The following NXPH1 variants were observed in gnomAD, a reference collection of about 807,000 sequenced individuals.
The protein encoded by NXPH1 is neurexophilin 1.
Under a neutral mutation model 23.7 loss-of-function variants are expected in NXPH1, and 5 were observed. The observed-to-expected ratio is 0.21, with a 90% confidence interval of 0.11 to 0.44. The LOEUF (loss-of-function observed/expected upper bound fraction) is 0.44, where lower values mean the gene tolerates loss of function less well. Ranked by LOEUF, NXPH1 falls within the 20% of genes least tolerant of loss-of-function variation. The pLI is 0.99. For synonymous variants in NXPH1, 144 were observed against 122.2 expected (o/e 1.18, Z -1.18); for missense variants, 324 against 321.6 (o/e 1.01, Z -0.06).
intron 2 of NXPH1, among the ~76,000 whole-genome samples, chr7:8,646,134 T>C (rs1394842139): frequency 6.6e-6 from 1 of 152,170 alleles, no homozygotes; most frequent in African/African-American, 2.4e-5. Context: ...CTTCAACTTT[T>C]AAATGGTCTT....
At chr7:8,692,950 G>A (rs1821244038) in intron 2 of NXPH1, among the ~76,000 whole-genome samples, 1 of 152,108 alleles carries the variant, frequency 6.6e-6, no homozygotes, top group Non-Finnish European at 1.5e-5. Flanking sequence ...ATGCATTACA[G>A]AAGCCCGTTA....
chr7:8,641,878 C>T (rs1820319272), intron 2 of NXPH1, among the ~76,000 whole-genome samples: 1 of 152,130 alleles, frequency 6.6e-6, no homozygotes, highest in African/African-American at 2.4e-5. Context: ...GAATATATCA[C>T]TAATTATCCT....
chr7:8,682,047 C>G (rs146642604), intron 2 of NXPH1, among the ~76,000 whole-genome samples: 1 of 152,062 alleles, frequency 6.6e-6, no homozygotes, highest in African/African-American at 2.4e-5. Context: ...GGTGAGCATG[C>G]CAGTGGAAGG....
chr7:8,630,414 G>A (rs1306424114), intron 2 of NXPH1, among the ~76,000 whole-genome samples: 3 of 152,048 alleles, frequency 2.0e-5, no homozygotes, highest in Non-Finnish European at 4.4e-5. Flanking sequence ...GCTTCCTCAT[G>A]GGAGCTCCCA....
intron 2 of NXPH1, among the ~76,000 whole-genome samples, chr7:8,650,728 T>C (rs1820477218): frequency 6.6e-6 from 1 of 152,204 alleles, no homozygotes. Flanking sequence ...CAGCATCCTA[T>C]TGTAATTCAC....
chr7:8,458,442 G>A (rs888239419), intron 2 of NXPH1, among the ~76,000 whole-genome samples: 1 of 152,148 alleles, frequency 6.6e-6, no homozygotes, highest in Non-Finnish European at 1.5e-5. Flanking sequence ...TTTGGGTAAG[G>A]CTTAGAATGT....
At chr7:8,610,734 G>A (rs927768164) in intron 2 of NXPH1, among the ~76,000 whole-genome samples, 1 of 151,934 alleles carries the variant, frequency 6.6e-6, no homozygotes, top group Non-Finnish European at 1.5e-5. Flanking sequence ...TGTATTAATT[G>A]TGTAATTTTT....
At chr7:8,626,212 A>G (rs946550426) in intron 2 of NXPH1, among the ~76,000 whole-genome samples, 5 of 152,066 alleles carry the variant, frequency 3.3e-5, no homozygotes, top group African/African-American at 1.2e-4. Context: ...GAACATTTTA[A>G]TAAGGAAAGT....
intron 2 of NXPH1, among the ~76,000 whole-genome samples, chr7:8,446,333 C>T (rs766318687): frequency 1.3e-5 from 2 of 152,130 alleles, no homozygotes; most frequent in Non-Finnish European, 2.9e-5. Flanking sequence ...AAGGTAACAT[C>T]TAAGTACATA....
intron 2 of NXPH1, among the ~76,000 whole-genome samples, chr7:8,532,115 T>C (rs888798889): frequency 6.6e-6 from 1 of 152,128 alleles, no homozygotes; most frequent in African/African-American, 2.4e-5. Flanking sequence ...GCAAATGAAC[T>C]TTACAACCCG....
At chr7:8,735,488 G>A (rs879158906) in intron 2 of NXPH1, among the ~76,000 whole-genome samples, 2 of 152,114 alleles carry the variant, frequency 1.3e-5, no homozygotes, top group African/African-American at 2.4e-5. Context: ...GGATGAAGCC[G>A]ACTTGATCAT....
chr7:8,514,881 A>G (rs1437243565), intron 2 of NXPH1, among the ~76,000 whole-genome samples: 1 of 152,112 alleles, frequency 6.6e-6, no homozygotes, highest in Non-Finnish European at 1.5e-5. Context: ...CTCTAAAGGA[A>G]ATTTACTTTA....
chr7:8,601,042 G>A (rs1051569264), intron 2 of NXPH1, among the ~76,000 whole-genome samples: 8 of 151,916 alleles, frequency 5.3e-5, no homozygotes, highest in Admixed American at 4.6e-4. Context: ...GGAAGGATAT[G>A]CATAATTTAT....
At chr7:8,706,937 A>G (rs10263733) in intron 2 of NXPH1, among the ~76,000 whole-genome samples, 11,117 of 152,182 alleles carry the variant, frequency 0.073, 807 homozygotes, top group East Asian at 0.18. Flanking sequence ...TGAGAAATTA[A>G]TGGGTACAAT....
At chr7:8,574,627 A>G (rs904312624) in intron 2 of NXPH1, among the ~76,000 whole-genome samples, 1 of 152,184 alleles carries the variant, frequency 6.6e-6, no homozygotes, top group East Asian at 1.9e-4. Flanking sequence ...TCTGCATCAC[A>G]TGTACTTAGT....
At chr7:8,726,392 A>G (rs1381420473) in intron 2 of NXPH1, among the ~76,000 whole-genome samples, 1 of 151,104 alleles carries the variant, frequency 6.6e-6, no homozygotes, top group Non-Finnish European at 1.5e-5. Context: ...TGTGCAGGTT[A>G]GTTACATATG....
intron 2 of NXPH1, among the ~76,000 whole-genome samples, chr7:8,569,458 A>G (rs1818607716): frequency 6.6e-6 from 1 of 151,930 alleles, no homozygotes; most frequent in African/African-American, 2.4e-5. Context: ...TCTTATAACT[A>G]TTTTAAGATA....
chr7:8,485,841 TGAAAA>T (rs1817149714), intron 2 of NXPH1, among the ~76,000 whole-genome samples: 2 of 152,040 alleles, frequency 1.3e-5, no homozygotes, highest in South Asian at 4.1e-4. Context: ...TCTGTGAAAA[TGAAAA>T]GAAAACCAAG....
intron 2 of NXPH1, among the ~76,000 whole-genome samples, chr7:8,614,324 A>G (rs918884601): frequency 3.8e-4 from 58 of 151,928 alleles, no homozygotes; most frequent in African/African-American, 1.4e-3. Flanking sequence ...TAAGAATTTT[A>G]TGTGTGCTCT....
Sources: gnomAD v4.1 joint callset for allele counts (sites outside exome capture counted in the v4.1 genomes callset) on GRCh38, gnomAD v4.1.1 for gene constraint, MANE v1.5 for transcripts, NCBI Gene and HGNC (gene_info 2026-07-23, HGNC 2026-07-21) for gene names.